The following OPRM1 variants were observed in gnomAD, a reference collection of about 807,000 sequenced individuals.
OPRM1 encodes the protein opioid receptor mu 1.
OPRM1 carries 27 observed loss-of-function variants against 31.8 expected under a neutral mutation model. The ratio of observed to expected loss-of-function variants is 0.85; its 90% CI spans 0.63 to 1.17. OPRM1 has a LOEUF of 1.17. Ranked by LOEUF, OPRM1 falls within the 50% of genes most tolerant of loss-of-function variation. OPRM1 has a pLI of 0.00. For missense variants in OPRM1, 536 were observed against 511.1 expected (o/e 1.05, Z -0.47); for synonymous variants, 196 against 189.9 (o/e 1.03, Z -0.26).
chr6:154,021,475 G>A (rs1778362383), intron 1 of OPRM1, among the ~76,000 whole-genome samples: 2 of 152,124 alleles, frequency 1.3e-5, no homozygotes, highest in Admixed American at 6.5e-5. Context: ...TTAAAAATCA[G>A]TTTGTTGATA....
chr6:154,214,287 A>C (rs1335455598), intron 3 of OPRM1: 1 of 1,597,964 alleles, frequency 6.3e-7, no homozygotes, highest in East Asian at 2.2e-5. Flanking sequence ...CTAAAATTCA[A>C]ATAGAAAGCA....
chr6:154,137,691 T>C (rs1393980824), intron 3 of OPRM1, among the ~76,000 whole-genome samples: 5 of 152,194 alleles, frequency 3.3e-5, no homozygotes, highest in Admixed American at 1.3e-4. Context: ...GATTCAGTCC[T>C]AAGTCAAATA....
intron 3 of OPRM1, among the ~76,000 whole-genome samples, chr6:154,152,254 GA>G (rs202001115): frequency 0.041 from 5,402 of 130,608 alleles, 555 homozygotes; most frequent in African/African-American, 0.15. Context: ...AAAGAAGAAA[GA>G]AAAGAAAGAA....
Position 154,013,539 on chromosome 6 carries a change from A to G in OPRM1, c.-1+2521A>G, listed in dbSNP as rs552802232. On this transcript the variant is annotated intron_variant, in intron 1 of 5. Coordinates refer to the OPRM1 transcript ENST00000434900. ...GTTCACATCAAAGAGTAGAATAAAC[A>G]CATAAGTAAAATTTAATAGGTTGAA... Among the ~76,000 whole-genome samples, 8 of 152,322 alleles carry G rather than the reference A, an allele frequency of 5.3e-5. No individual in the cohort carries two copies. The South Asian group carries it at 1.7e-3, about 32-fold the overall frequency.
chr6:154,068,048 G>A (rs1158489288), intron 1 of OPRM1, among the ~76,000 whole-genome samples: 1 of 152,030 alleles, frequency 6.6e-6, no homozygotes, highest in East Asian at 1.9e-4. Flanking sequence ...CAACCTGCAA[G>A]ACTCCCTTTA....
At chr6:154,152,399 A>G (rs1352081960) in intron 3 of OPRM1, among the ~76,000 whole-genome samples, 1 of 151,954 alleles carries the variant, frequency 6.6e-6, no homozygotes, top group African/African-American at 2.4e-5. Context: ...AAAGAGAAAT[A>G]GTGTTCAGGT....
At chr6:154,089,795 T>A in intron 1 of OPRM1, 31 bp from the exon 2 acceptor site, 1 of 1,481,624 alleles carries the variant, frequency 6.7e-7, no homozygotes, top group Non-Finnish European at 9.3e-7. Context: ...TGTCTTTTAC[T>A]GATTCTCACT....
At chr6:154,164,265 C>T (rs1445939064) in intron 3 of OPRM1, among the ~76,000 whole-genome samples, 1 of 152,122 alleles carries the variant, frequency 6.6e-6, no homozygotes, top group Non-Finnish European at 1.5e-5. Context: ...ATTTTTAGAA[C>T]AGGGTCTCTT....
At chr6:154,143,670 G>A (rs1798280220) in intron 3 of OPRM1, among the ~76,000 whole-genome samples, 1 of 152,174 alleles carries the variant, frequency 6.6e-6, no homozygotes, top group Non-Finnish European at 1.5e-5. Flanking sequence ...ACGTTTAAGA[G>A]GTGATTGGGC....
At chr6:154,030,543 CAG>C (rs1415169432) in intron 1 of OPRM1, among the ~76,000 whole-genome samples, 3 of 151,816 alleles carry the variant, frequency 2.0e-5, no homozygotes, top group Non-Finnish European at 4.4e-5. Context: ...TAAAAAAAAA[CAG>C]AGTAATAGAA....
At chr6:154,094,689 G>T (rs922195448) in intron 3 of OPRM1, among the ~76,000 whole-genome samples, 2 of 152,136 alleles carry the variant, frequency 1.3e-5, no homozygotes, top group Non-Finnish European at 2.9e-5. Flanking sequence ...AAGAGAGAGA[G>T]AAAAGAGGAA....
intron 3 of OPRM1, among the ~76,000 whole-genome samples, chr6:154,195,559 T>C (rs1776545885): frequency 6.6e-6 from 1 of 152,142 alleles, no homozygotes; most frequent in East Asian, 1.9e-4. Flanking sequence ...CTCAACCAAA[T>C]GTCCTTTCCA....
chr6:154,052,906 A>G (rs1443868339), intron 1 of OPRM1, among the ~76,000 whole-genome samples: 1 of 152,214 alleles, frequency 6.6e-6, no homozygotes, highest in East Asian at 1.9e-4. Flanking sequence ...CAACACAAAT[A>G]TGAAGTTACC....
Position 154,039,479 on chromosome 6 carries a change from G to A in OPRM1, c.-66G>A. 1 of 1,558,658 alleles carries A rather than the reference G, an allele frequency of 6.4e-7. No individual in the cohort carries two copies. On this transcript the variant is annotated 5_prime_UTR_variant, in exon 1 of 4. Coordinates refer to ENST00000330432, the MANE Select transcript of OPRM1 (RefSeq NM_000914.5). ...GCGAAAGGAAGCGGCTGAGGCGCTTGGAACCCGAAAAGTCTCGGTGCTCCT... is the reference window on the plus strand; with the variant it reads ...GCGAAAGGAAGCGGCTGAGGCGCTTAGAACCCGAAAAGTCTCGGTGCTCCT...
At chr6:154,079,409 T>C (rs1341606859) in intron 1 of OPRM1, among the ~76,000 whole-genome samples, 1 of 152,150 alleles carries the variant, frequency 6.6e-6, no homozygotes, top group African/African-American at 2.4e-5. Flanking sequence ...GCCCTCTAGA[T>C]TCCTGTGGCA....
chr6:154,241,350 T>G (rs894104979), intron 3 of OPRM1, among the ~76,000 whole-genome samples: 1 of 151,778 alleles, frequency 6.6e-6, no homozygotes, highest in African/African-American at 2.4e-5. Flanking sequence ...ATGGCACACA[T>G]GGTGTCAATA....
intron 1 of OPRM1, among the ~76,000 whole-genome samples, chr6:154,060,235 G>A (rs764761199): frequency 1.4e-4 from 21 of 152,112 alleles, no homozygotes; most frequent in Admixed American, 8.5e-4. Context: ...CTACCCTAGC[G>A]ACCAAAACAC....
downstream of OPRM1, among the ~76,000 whole-genome samples, chr6:154,133,412 C>T (rs117617298): frequency 0.017 from 2,573 of 152,304 alleles, 34 homozygotes; most frequent in Non-Finnish European, 0.028. Context: ...GAACATGTCA[C>T]AATTTATTCA....
In OPRM1 at chr6:154,120,043, A is replaced by G. The variant is rs1797217746; in HGVS notation, c.*1322A>G. 6.6e-6 allele frequency among the ~76,000 whole-genome samples: 1 copy of G among 152,218 alleles called. No homozygotes were observed. Among genetic ancestry groups the G allele is most frequent in the African/African-American group, 2.4e-5 (1 of 41,470 alleles). ...ACCATTTTACTTGATCTAGGTAGAC[A>G]GCCAAGTCAGATGGCCCATGCCTAG... On this transcript the variant is annotated 3_prime_UTR_variant, in exon 4 of 4. Coordinates refer to ENST00000330432, the MANE Select transcript of OPRM1 (RefSeq NM_000914.5).
Sources: allele counts gnomAD v4.1 joint callset (sites outside exome capture counted in the v4.1 genomes callset), GRCh38; gene constraint gnomAD v4.1.1; transcripts MANE v1.5; gene names NCBI Gene and HGNC (gene_info 2026-07-23, HGNC 2026-07-21).